Variants in PLBD2 observed in about 807,000 individuals in gnomAD.
PLBD2 encodes the protein phospholipase B domain containing 2.
Under a neutral mutation model 68.3 loss-of-function variants are expected in PLBD2, and 51 were observed. The ratio of observed to expected loss-of-function variants is 0.75; its 90% CI spans 0.60 to 0.94. The LOEUF (loss-of-function observed/expected upper bound fraction) is 0.94. PLBD2 is among the 40% of genes least tolerant of loss of function. PLBD2 has a pLI of 0.00. For synonymous variants in PLBD2, 314 were observed against 339.3 expected (o/e 0.93, Z 0.82); for missense variants, 729 against 792.2 (o/e 0.92, Z 0.96).
At chr12:113,374,245 G>C (rs1229638246) in intron 3 of PLBD2, among the ~76,000 whole-genome samples, 1 of 152,152 alleles carries the variant, frequency 6.6e-6, no homozygotes, top group Non-Finnish European at 1.5e-5. Context: ...GCTGATTTGG[G>C]GTTAACACAG....
intron 5 of PLBD2, among the ~76,000 whole-genome samples, chr12:113,378,595 C>T (rs1385409419): frequency 1.3e-5 from 2 of 151,536 alleles, no homozygotes; most frequent in Admixed American, 1.3e-4. Flanking sequence ...CTTCTAGCCT[C>T]AGGTGATCCT....
At chr12:113,383,433 C>T (rs111372316) in intron 6 of PLBD2, among the ~76,000 whole-genome samples, 167 of 152,154 alleles carry the variant, frequency 1.1e-3, no homozygotes, top group African/African-American at 3.9e-3. Flanking sequence ...CGTGCCTCAA[C>T]TGGATATGAG....
chr12:113,384,417 G>T lies in PLBD2; in HGVS notation c.1118+152G>T. Reference sequence around the variant, plus strand: ...CATACATGGGGAGACTGAGGCTAGGGAAGGAAAGGATTTGCCCCTCCCCTG... The same window carrying T: ...CATACATGGGGAGACTGAGGCTAGGTAAGGAAAGGATTTGCCCCTCCCCTG... On this transcript the variant is annotated intron_variant, in intron 7 of 11. Transcript: ENST00000280800. The surrounding 1 kb of genome is among the most constrained non-coding windows in gnomAD (Gnocchi z 4.2). 2 of 1,102,566 alleles carry T rather than the reference G, an allele frequency of 1.8e-6. No homozygotes were observed. Among genetic ancestry groups the T allele is most frequent in the Middle Eastern group, 2.1e-4 (1 of 4,808 alleles). 68.3% of individuals were successfully genotyped at this position (1,102,566 alleles called of 1,614,324 possible).
intron 3 of PLBD2, among the ~76,000 whole-genome samples, chr12:113,373,508 C>A (rs1957408029): frequency 6.6e-6 from 1 of 152,060 alleles, no homozygotes. Flanking sequence ...CTAAGACAGA[C>A]TCTTCTACCA....
At position 113,384,964 on chromosome 12, in the gene PLBD2, G is replaced by A; in HGVS notation, c.1214+18G>A. 1 of 1,333,878 alleles carries A rather than the reference G, an allele frequency of 7.5e-7. No homozygotes were observed. Among genetic ancestry groups the A allele is most frequent in the Non-Finnish European group, 1.1e-6 (1 of 931,368 alleles). The allele number at this position is 1,333,878 out of a possible 1,614,324, so 82.6% of individuals were successfully genotyped here. A position where few individuals can be genotyped will look rare whatever the true frequency, so the allele number is the denominator to read the frequency against. On this transcript the variant is annotated intron_variant, in intron 8 of 11. Coordinates refer to ENST00000280800, the MANE Select transcript of PLBD2 (RefSeq NM_173542.4). This position sits in a 1 kb window ranked among gnomAD's most constrained non-coding sequence, Gnocchi z 4.2. ...CAGATCCCGTGCGTACCCTGGGAGG[G>A]AGGGGTGGGGGCTCGGGGCAGAGGG...
Position 113,388,473 on chromosome 12 carries a change from A to T in PLBD2, c.1617A>T (p.Ser539=). The change falls in exon 12 of 12, where the codon TCA becomes TCT. Residue 539 remains serine (S), a synonymous_variant. Transcript: ENST00000280800. Reference sequence around the variant, plus strand: ...CCTGTCCCCAGGTGACCAGCATGTCACTGGCCAGGATCCTGAGCCTGCTGG... The same window carrying T: ...CCTGTCCCCAGGTGACCAGCATGTCTCTGGCCAGGATCCTGAGCCTGCTGG... ...GGIDVKVTSM[S]LARILSLLAA... 6.3e-7 allele frequency: 1 copy of T among 1,595,340 alleles called. No individual in the cohort carries two copies. Among genetic ancestry groups the T allele is most frequent in the South Asian group, 1.1e-5 (1 of 89,530 alleles).
At chr12:113,363,538 T>A (rs927521213) in intron 1 of PLBD2, among the ~76,000 whole-genome samples, 2 of 127,406 alleles carry the variant, frequency 1.6e-5, no homozygotes, top group African/African-American at 5.4e-5. Flanking sequence ...CATTTTTAGC[T>A]TTTTTTTTTT....
intron 1 of PLBD2, among the ~76,000 whole-genome samples, chr12:113,363,004 CAG>C (rs1200707010): frequency 6.6e-6 from 1 of 151,480 alleles, no homozygotes; most frequent in East Asian, 1.9e-4. Flanking sequence ...CCATGTTGGC[CAG>C]GCTGGTCTTG....
At position 113,372,675 on chromosome 12, in the gene PLBD2, G is replaced by A. The variant is rs773502364; in HGVS notation, c.411G>A (p.Thr137=). The change falls in exon 3 of 12, where the codon ACG becomes ACA. Residue 137 remains threonine (T), a synonymous_variant. Coordinates refer to ENST00000280800, the MANE Select transcript of PLBD2 (RefSeq NM_173542.4). The surrounding 1 kb of genome is among the most constrained non-coding windows in gnomAD (Gnocchi z 4.2). ...TCATCTACATGCACTGGATGAACAC[G>A]GTGGTGAATTACTGCGGCCCCTTCG... ...EELIYMHWMN[T]VVNYCGPFEY... 1.1e-5 allele frequency: 17 copies of A among 1,608,124 alleles called. No homozygotes were observed. The East Asian group carries it at 1.1e-4, about 11-fold the overall frequency.
At chr12:113,365,996 C>T (rs1464034369) in intron 1 of PLBD2, among the ~76,000 whole-genome samples, 1 of 152,190 alleles carries the variant, frequency 6.6e-6, no homozygotes, top group East Asian at 1.9e-4. Flanking sequence ...TTCCCCTCTG[C>T]TGCCACTAGC....
At chr12:113,386,749 G>A (rs908147474) in intron 9 of PLBD2, among the ~76,000 whole-genome samples, 188 bp from the exon 10 acceptor site, 1 of 152,100 alleles carries the variant, frequency 6.6e-6, no homozygotes, top group Non-Finnish European at 1.5e-5. Flanking sequence ...AAACTCCTGA[G>A]CTCAGGTGAT....
rs772412552 is a variant in PLBD2, at chr12:113,387,761, A to G, written c.1457A>G (p.His486Arg). The G allele has an allele frequency of 1.9e-6, 3 of 1,614,086 alleles. No homozygotes were observed. Among genetic ancestry groups the G allele is most frequent in the Middle Eastern group, 1.7e-4 (1 of 6,060 alleles). Reference sequence around the variant, plus strand: ...CCATCCAGGTACAATGACTTCCTCCATGACCCTCTGTCACTGTGCAAAGCC... The same window carrying G: ...CCATCCAGGTACAATGACTTCCTCCGTGACCCTCTGTCACTGTGCAAAGCC... ...VRLMRYNDFL[H>R]DPLSLCKACN... Residue 486 changes from histidine to arginine, a missense_variant, in exon 11 of 12, where the codon CAT (histidine) becomes CGT (arginine). By Grantham distance (29) the His-to-Arg change is conservative (BLOSUM62 0). Transcript: ENST00000280800.
intron 1 of PLBD2, among the ~76,000 whole-genome samples, chr12:113,368,858 A>G (rs1466899837): frequency 6.6e-6 from 1 of 152,172 alleles, no homozygotes; most frequent in African/African-American, 2.4e-5. Flanking sequence ...TATTGTGGGT[A>G]AGGGAATATA....
intron 6 of PLBD2, among the ~76,000 whole-genome samples, chr12:113,382,868 T>TGTGTGTGTGTGTGTG (rs1491184280): frequency 8.4e-5 from 7 of 83,496 alleles, no homozygotes; most frequent in African/African-American, 2.3e-4. Flanking sequence ...TGTGTGTGTG[T>TGTGTGTGTGTGTGTG]TTTTTTTTTT....
chr12:113,383,973 T>C, intron 6 of PLBD2, 132 bp from the exon 7 acceptor site: 1 of 755,942 alleles, frequency 1.3e-6, no homozygotes, highest in Admixed American at 3.8e-5. Context: ...CACTCCAGCC[T>C]GGGCAAGAGT....
intron 4 of PLBD2, 108 bp from the exon 5 acceptor site, chr12:113,374,685 G>A (rs1376987746): frequency 6.1e-6 from 9 of 1,482,494 alleles, no homozygotes; most frequent in Admixed American, 5.7e-5. Flanking sequence ...TGTGGCCTTG[G>A]AACAGTCAGC....
At position 113,388,584 on chromosome 12, in the gene PLBD2, A is replaced by T. The variant is rs1434441597; in HGVS notation, c.1728A>T (p.Pro576=). The T allele has an allele frequency of 6.2e-7, 1 of 1,605,036 alleles. No homozygotes were observed. The highest frequency in any genetic ancestry group is 2.2e-5 in the East Asian group (1 of 44,482). ...GCGGCCTGCTGCACATGGGCCAGCC[A>T]GACCTCTGGAAGTTCGCGCCTGTCA... ...PFSGLLHMGQ[P]DLWKFAPVKV... is the part of the protein sequence containing the mutation. The change falls in exon 12 of 12, where the codon CCA becomes CCT. Residue 576 remains proline, a synonymous_variant. Transcript: ENST00000280800.
intron 5 of PLBD2, among the ~76,000 whole-genome samples, chr12:113,379,222 C>T (rs1251701151): frequency 1.3e-5 from 2 of 149,170 alleles, no homozygotes; most frequent in East Asian, 2.0e-4. Context: ...ACAAGAGAAT[C>T]ACTTGAACCT....
Position 113,374,484 on chromosome 12 carries a change from C to A in PLBD2, c.554C>A (p.Thr185Asn), listed in dbSNP as rs1593284753. 1 of 1,597,582 alleles carries A rather than the reference C, an allele frequency of 6.3e-7. No individual in the cohort carries two copies. The highest frequency in any genetic ancestry group is 8.5e-7 in the Non-Finnish European group (1 of 1,172,660). The change falls in exon 4 of 12, where the codon ACC becomes AAC. Residue 185 changes from threonine (T) to asparagine (N), a missense_variant. Thr to Asn is a moderately conservative substitution (Grantham distance 65). Coordinates refer to ENST00000280800, the MANE Select transcript of PLBD2 (RefSeq NM_173542.4). ...DSPYWHQVRL[T>N]LLQLKGLEDS... Reference sequence around the variant, plus strand: ...CGCCCCCTCCCCTAGGTGCGGCTGACCCTCCTGCAGCTGAAAGGCCTGGAG... The same window carrying A: ...CGCCCCCTCCCCTAGGTGCGGCTGAACCTCCTGCAGCTGAAAGGCCTGGAG...
Sources: gnomAD v4.1 joint callset for allele counts (sites outside exome capture counted in the v4.1 genomes callset) on GRCh38, gnomAD v4.1.1 for gene constraint, Gnocchi (gnomAD v3.1) non-coding constraint, MANE v1.5 for transcripts, NCBI Gene and HGNC (gene_info 2026-07-23, HGNC 2026-07-21) for gene names.